The following SH3PXD2A variants were observed in gnomAD, a reference collection of about 807,000 sequenced individuals.
SH3PXD2A encodes the protein SH3 and PX domains 2A.
SH3PXD2A carries 32 observed loss-of-function variants against 115.2 expected under a neutral mutation model. That is an observed-to-expected ratio of 0.28 (90% CI 0.21 to 0.37). The LOEUF (loss-of-function observed/expected upper bound fraction) is 0.37, where lower values mean the gene tolerates loss of function less well. Ranked by LOEUF, SH3PXD2A falls within the 10% of genes least tolerant of loss-of-function variation. The pLI is 1.00. For synonymous variants in SH3PXD2A, 610 were observed against 629.1 expected (o/e 0.97, Z 0.45); for missense variants, 1,328 against 1,498.7 (o/e 0.89, Z 1.88).
intron 7 of SH3PXD2A, among the ~76,000 whole-genome samples, chr10:103,663,899 G>T (rs747390197): frequency 6.6e-6 from 1 of 152,218 alleles, no homozygotes; most frequent in Non-Finnish European, 1.5e-5. Flanking sequence ...ACATACATTC[G>T]CACGTGCACA....
chr10:103,667,576 T>A (rs538494287), intron 7 of SH3PXD2A, among the ~76,000 whole-genome samples: 1 of 152,270 alleles, frequency 6.6e-6, no homozygotes, highest in Non-Finnish European at 1.5e-5. Context: ...CTGCCTTCTC[T>A]TCTCCTCTGG....
At position 103,665,007 on chromosome 10, in the gene SH3PXD2A, C is replaced by T. The variant is rs11597617; in HGVS notation, c.472+3601G>A. ...GGTTTCTAGTTGACTCTTGCCACCT[C>T]TACTGACCAGACCACAGTGCCTGTT... On this transcript the variant is annotated intron_variant, in intron 7 of 14. Coordinates refer to ENST00000369774, the MANE Select transcript of SH3PXD2A (RefSeq NM_001394015.1). This position sits in a 1 kb window ranked among gnomAD's most constrained non-coding sequence, Gnocchi z 4.0. Among the ~76,000 whole-genome samples the T allele has an allele frequency of 6.6e-6, 1 of 152,302 alleles. No homozygotes were observed. The highest frequency in any genetic ancestry group is 2.1e-4 in the South Asian group (1 of 4,822).
intron 2 of SH3PXD2A, among the ~76,000 whole-genome samples, chr10:103,791,277 C>G (rs2039033703): frequency 6.6e-6 from 1 of 152,232 alleles, no homozygotes; most frequent in South Asian, 2.1e-4. Context: ...AGGGTCTGAT[C>G]TGACAGGGCC....
intron 10 of SH3PXD2A, among the ~76,000 whole-genome samples, chr10:103,621,355 T>A (rs141319783): frequency 6.6e-6 from 1 of 152,174 alleles, no homozygotes; most frequent in Non-Finnish European, 1.5e-5. Flanking sequence ...CCCAGCCCTG[T>A]GTCAGCCCAC....
At chr10:103,791,177 C>T (rs1219832387) in intron 2 of SH3PXD2A, among the ~76,000 whole-genome samples, 3 of 152,192 alleles carry the variant, frequency 2.0e-5, no homozygotes, top group African/African-American at 4.8e-5. Context: ...GAGCTTCCCC[C>T]GCTGTATGAA....
At chr10:103,639,470 C>T (rs538391514) in intron 8 of SH3PXD2A, among the ~76,000 whole-genome samples, 248 of 152,066 alleles carry the variant, frequency 1.6e-3, no homozygotes, top group East Asian at 1.5e-3. Context: ...GTTAGCTGGG[C>T]ATGGTGGCGT....
chr10:103,613,039 C>A lies in SH3PXD2A; in HGVS notation c.1072G>T (p.Asp358Tyr). 1 of 1,614,218 alleles carries A rather than the reference C, an allele frequency of 6.2e-7. No individual in the cohort carries two copies. The highest frequency in any genetic ancestry group is 8.5e-7 in the Non-Finnish European group (1 of 1,180,046). ...SNLLNKKASG[D>Y]KETPPAEGEG... ...CCTTCGGCTGGTGGAGTTTCCTTGT[C>A]CCCAGACGCCTTCTTGTTCAGCAGG... Residue 358 changes from aspartate (D) to tyrosine (Y), a missense_variant, in exon 12 of 15, where the codon GAC (aspartate) becomes TAC (tyrosine). Asp to Tyr is a radical substitution (Grantham distance 160, BLOSUM62 -3). Coordinates refer to ENST00000369774, the MANE Select transcript of SH3PXD2A (RefSeq NM_001394015.1).
At chr10:103,716,072 G>T (rs375772314) in intron 5 of SH3PXD2A, among the ~76,000 whole-genome samples, 1 of 152,336 alleles carries the variant, frequency 6.6e-6, no homozygotes, top group East Asian at 1.9e-4. Flanking sequence ...GTTTTCTTGA[G>T]TCTGACCTCC....
At chr10:103,661,552 G>A (rs2037303592) in intron 7 of SH3PXD2A, 3 of 664,482 alleles carry the variant, frequency 4.5e-6, no homozygotes, top group Admixed American at 6.3e-5. Context: ...GCGAGCCAGC[G>A]GGTGGGCGGC....
chr10:103,759,242 C>T (rs10883906), intron 3 of SH3PXD2A, among the ~76,000 whole-genome samples: 42,333 of 152,070 alleles, frequency 0.28, 6,010 homozygotes, highest in Middle Eastern at 0.33. Context: ...ATTACAGGGC[C>T]GTTACGTAAA....
chr10:103,730,187 C>A (rs1306337655), intron 4 of SH3PXD2A, among the ~76,000 whole-genome samples: 1 of 150,336 alleles, frequency 6.7e-6, no homozygotes. Context: ...TACACAGGAT[C>A]AATTGCTTCT....
chr10:103,715,530 G>C (rs2038095388), intron 5 of SH3PXD2A, among the ~76,000 whole-genome samples: 1 of 152,192 alleles, frequency 6.6e-6, no homozygotes, highest in African/African-American at 2.4e-5. Context: ...AAAAGGAAGG[G>C]AGTAGGAGGG....
rs1362934585 is a variant in SH3PXD2A, at chr10:103,617,274, G to GCTT, written c.840_842dup (p.Gln280_Ser281insArg). 6.2e-7 allele frequency: 1 copy of GCTT among 1,614,184 alleles called. No individual in the cohort carries two copies. Among genetic ancestry groups the GCTT allele is most frequent in the Non-Finnish European group, 8.5e-7 (1 of 1,179,984 alleles). ...CCTTCTCAAAGCCAATCTCGTCCTT[G>GCTT]CTTTGGCTGGTGTAAGGCTGCACGG... On this transcript the variant is annotated inframe_insertion, in exon 11 of 15. Coordinates refer to ENST00000369774, the MANE Select transcript of SH3PXD2A (RefSeq NM_001394015.1).
At chr10:103,639,075 C>T (rs2036909954) in intron 8 of SH3PXD2A, among the ~76,000 whole-genome samples, 1 of 152,176 alleles carries the variant, frequency 6.6e-6, no homozygotes, top group Non-Finnish European at 1.5e-5. Flanking sequence ...AGGGCGGCTG[C>T]TTGCAGGGGG....
At chr10:103,657,090 G>T (rs1453902965) in intron 8 of SH3PXD2A, among the ~76,000 whole-genome samples, 1 of 151,820 alleles carries the variant, frequency 6.6e-6, no homozygotes, top group East Asian at 1.9e-4. Flanking sequence ...CCAAGGTTTG[G>T]TTTTCTCACT....
At chr10:103,655,771 TAAAAAAAAAA>T (rs60526548) in intron 8 of SH3PXD2A, among the ~76,000 whole-genome samples, 3 of 46,188 alleles carry the variant, frequency 6.5e-5, no homozygotes, top group Admixed American at 2.8e-4. Context: ...AGACCCTGTC[TAAAAAAAAAA>T]AAAAAAAAAA....
chr10:103,699,827 C>A (rs2037870481), intron 5 of SH3PXD2A, among the ~76,000 whole-genome samples: 1 of 152,186 alleles, frequency 6.6e-6, no homozygotes, highest in South Asian at 2.1e-4. Context: ...CCTGTGTTTT[C>A]CAGGGTTCTG....
chr10:103,797,675 A>C (rs2039105449), intron 2 of SH3PXD2A, among the ~76,000 whole-genome samples: 1 of 148,880 alleles, frequency 6.7e-6, no homozygotes. Context: ...CTTTGAAGAT[A>C]ATAACCAGAG....
At chr10:103,610,941 TAA>T (rs1379230419) in intron 13 of SH3PXD2A, among the ~76,000 whole-genome samples, 1 of 152,230 alleles carries the variant, frequency 6.6e-6, no homozygotes, top group African/African-American at 2.4e-5. Flanking sequence ...CTGCGCTTAC[TAA>T]CAGTTCTTTG....
Sources: gnomAD v4.1 joint callset for allele counts (sites outside exome capture counted in the v4.1 genomes callset) on GRCh38, gnomAD v4.1.1 for gene constraint, Gnocchi (gnomAD v3.1) non-coding constraint, MANE v1.5 for transcripts, NCBI Gene and HGNC (gene_info 2026-07-23, HGNC 2026-07-21) for gene names.